The following SLC17A1 variants were observed in gnomAD, a reference collection of about 807,000 sequenced individuals.
SLC17A1 encodes solute carrier family 17 member 1, also known as sodium-dependent phosphate transport protein 1.
A neutral mutation model predicts 53.5 loss-of-function variants in SLC17A1; 51 were observed. The observed-to-expected ratio is 0.95, with a 90% CI of 0.76 to 1.20. The LOEUF is 1.20. Ranked by LOEUF, SLC17A1 falls within the 50% of genes most tolerant of loss-of-function variation. The pLI is 0.00. For synonymous variants in SLC17A1, 179 were observed against 198.8 expected (o/e 0.90, Z 0.84); for missense variants, 538 against 568.2 (o/e 0.95, Z 0.54).
the SLC17A1 span, among the ~76,000 whole-genome samples, chr6:25,725,886 C>T: frequency 6.6e-6 from 1 of 152,146 alleles, no homozygotes; most frequent in Admixed American, 6.5e-5. Flanking sequence ...TAAGCCACCT[C>T]GCCCAGTGAC....
the SLC17A1 span, among the ~76,000 whole-genome samples, chr6:25,762,430 T>G: frequency 1.3e-5 from 2 of 152,176 alleles, no homozygotes; most frequent in African/African-American, 4.8e-5. Flanking sequence ...AACCCCAAAA[T>G]GGGCTTTTTG....
chr6:25,739,911 A>G, the SLC17A1 span, among the ~76,000 whole-genome samples: 8 of 152,198 alleles, frequency 5.3e-5, no homozygotes, highest in African/African-American at 1.9e-4. Flanking sequence ...TGATAAAATT[A>G]TATGGAACTA....
In SLC17A1 at chr6:25,814,642, C is replaced by G. The variant is rs556213755; in HGVS notation, c.617-1429G>C. Among the ~76,000 whole-genome samples the G allele has an allele frequency of 3.9e-5, 6 of 152,170 alleles. No homozygotes were observed. The South Asian group carries it at 1.2e-3, about 32-fold the overall frequency. ...AAAATCAGTGAGCTTGATAAAATGG[C>G]TATAGAAATTTCTAAAACTGAATTG... On this transcript the variant is annotated intron_variant, in intron 6 of 12. Coordinates refer to ENST00000244527, the MANE Select transcript of SLC17A1 (RefSeq NM_005074.5).
chr6:25,726,382 G>C, the SLC17A1 span: 1 of 1,614,124 alleles, frequency 6.2e-7, no homozygotes, highest in African/African-American at 1.3e-5. Context: ...CAAATACACT[G>C]GTGCGCCTGC....
the SLC17A1 span, among the ~76,000 whole-genome samples, chr6:25,749,696 A>C: frequency 4.6e-5 from 7 of 152,030 alleles, no homozygotes. Context: ...TTTCTACTCG[A>C]CCCCATGGTA....
At chr6:25,776,919 G>A in the SLC17A1 span, 2 of 1,613,690 alleles carry the variant, frequency 1.2e-6, no homozygotes, top group Non-Finnish European at 1.7e-6. Flanking sequence ...CAGCTTCTGT[G>A]AATCAGGAGC....
chr6:25,737,852 G>T, the SLC17A1 span, among the ~76,000 whole-genome samples: 1 of 152,080 alleles, frequency 6.6e-6, no homozygotes, highest in Non-Finnish European at 1.5e-5. Flanking sequence ...TTCTTAACAT[G>T]TTTCTTCTGA....
the SLC17A1 span, chr6:25,726,191 G>T: frequency 6.3e-7 from 1 of 1,599,548 alleles, no homozygotes. Flanking sequence ...AGCACTGCCT[G>T]AATGTTAGGC....
chr6:25,748,075 T>C, the SLC17A1 span, among the ~76,000 whole-genome samples: 11 of 152,360 alleles, frequency 7.2e-5, no homozygotes, highest in Non-Finnish European at 1.6e-4. Flanking sequence ...AATAACATTA[T>C]TCTTAATACA....
chr6:25,728,270 A>G, the SLC17A1 span, among the ~76,000 whole-genome samples: 1 of 152,152 alleles, frequency 6.6e-6, no homozygotes, highest in South Asian at 2.1e-4. Context: ...GCAGGAATTA[A>G]ACGGATTTAA....
At chr6:25,794,854 A>T (rs1461104975) in intron 12 of SLC17A1, among the ~76,000 whole-genome samples, 1 of 152,198 alleles carries the variant, frequency 6.6e-6, no homozygotes, top group Non-Finnish European at 1.5e-5. Flanking sequence ...AGGCTACAGG[A>T]GAAACGCAAG....
intron 12 of SLC17A1, among the ~76,000 whole-genome samples, chr6:25,784,494 T>C (rs563621269): frequency 2.0e-5 from 3 of 151,770 alleles, no homozygotes; most frequent in Non-Finnish European, 4.4e-5. Context: ...AGATGGGAGG[T>C]ACCACACACT....
chr6:25,772,291 C>A, the SLC17A1 span, among the ~76,000 whole-genome samples: 1 of 152,132 alleles, frequency 6.6e-6, no homozygotes, highest in African/African-American at 2.4e-5. Context: ...ATATTAACAT[C>A]CTCCAACCCC....
At chr6:25,805,849 C>T (rs1763934694) in intron 10 of SLC17A1, among the ~76,000 whole-genome samples, 1 of 151,948 alleles carries the variant, frequency 6.6e-6, no homozygotes, top group Non-Finnish European at 1.5e-5. Flanking sequence ...AGAGTAATAA[C>T]AAGCAGTGAG....
intron 12 of SLC17A1, among the ~76,000 whole-genome samples, chr6:25,790,177 A>G (rs1763471622): frequency 6.6e-6 from 1 of 152,188 alleles, no homozygotes; most frequent in Non-Finnish European, 1.5e-5. Flanking sequence ...GTTCAACTCA[A>G]TGGTTATAAT....
chr6:25,777,979 C>T (rs758960195), downstream of SLC17A1: 1 of 1,612,928 alleles, frequency 6.2e-7, no homozygotes, highest in Admixed American at 1.7e-5. Context: ...ATAGCTGGAG[C>T]CATCTCTCCT....
At chr6:25,821,569 G>T (rs1400637713) in intron 3 of SLC17A1, among the ~76,000 whole-genome samples, 1 of 152,180 alleles carries the variant, frequency 6.6e-6, no homozygotes, top group Non-Finnish European at 1.5e-5. Context: ...GGGCCAGCAG[G>T]CATTTGTTCT....
At chr6:25,744,923 A>G in the SLC17A1 span, among the ~76,000 whole-genome samples, 1 of 152,212 alleles carries the variant, frequency 6.6e-6, no homozygotes, top group Non-Finnish European at 1.5e-5. Flanking sequence ...CCCCAAAACT[A>G]TTATCCAATT....
At chr6:25,729,851 A>G in the SLC17A1 span, among the ~76,000 whole-genome samples, 1 of 152,166 alleles carries the variant, frequency 6.6e-6, no homozygotes, top group South Asian at 2.1e-4. Context: ...GAGCATCCGT[A>G]ATCCAAAAAG....
Sources: allele counts gnomAD v4.1 joint callset (sites outside exome capture counted in the v4.1 genomes callset), GRCh38; gene constraint gnomAD v4.1.1; transcripts MANE v1.5; gene names NCBI Gene and HGNC (gene_info 2026-07-23, HGNC 2026-07-21).